Variants in CPNE5 observed in about 807,000 individuals in gnomAD.
The protein encoded by CPNE5 is copine 5.
Under a neutral mutation model 81.1 loss-of-function variants are expected in CPNE5, and 42 were observed. That is an observed-to-expected ratio of 0.52 (90% CI 0.40 to 0.67). CPNE5 has a LOEUF of 0.67. Ranked by LOEUF, CPNE5 falls within the 30% of genes least tolerant of loss-of-function variation. The pLI is 0.00. For missense variants in CPNE5, 612 were observed against 815.5 expected, an observed-to-expected ratio of 0.75 and a Z score of 3.04; for synonymous variants, 313 against 321.5, an observed-to-expected ratio of 0.97 and a Z score of 0.28.
At chr6:36,799,060 CCTCACCTGGGGCCTG>C (rs1262611691) in intron 4 of CPNE5, among the ~76,000 whole-genome samples, 1 of 152,134 alleles carries the variant, frequency 6.6e-6, no homozygotes, top group African/African-American at 2.4e-5. Context: ...GGCCTCCTCC[CCTCACCTGGGGCCTG>C]CTCACCGGGG....
intron 3 of CPNE5, among the ~76,000 whole-genome samples, chr6:36,809,669 A>G (rs960587569): frequency 3.3e-5 from 5 of 152,212 alleles, no homozygotes; most frequent in Admixed American, 1.3e-4. Context: ...GAGCTGGAAG[A>G]AACCAAATCC....
In CPNE5 at chr6:36,768,225, C is replaced by CTTTTTTTTTTTTTTTTTTT. The variant is rs10586762; in HGVS notation, c.738-2868_738-2850dup. Reference sequence around the variant, plus strand: ...GGCTTTGACTACTCTATTCACAGTTCTTTTTTTTTTTTTTTTTTTTTTTTT... The same window carrying CTTTTTTTTTTTTTTTTTTT: ...GGCTTTGACTACTCTATTCACAGTTCTTTTTTTTTTTTTTTTTTTTTTTTTTTTTTTTTTTTTTTTTTTT... On this transcript the variant is annotated intron_variant, in intron 10 of 20. Coordinates refer to ENST00000244751, the MANE Select transcript of CPNE5 (RefSeq NM_020939.2). 1.2e-3 allele frequency among the ~76,000 whole-genome samples: 70 copies of CTTTTTTTTTTTTTTTTTTT among 60,500 alleles called. 4 individuals carry two copies. The highest frequency in any genetic ancestry group is 1.7e-3 in the East Asian group (3 of 1,720). The allele number at this position is 60,500 out of a possible 152,430, so 39.7% of individuals were successfully genotyped here.
At chr6:36,798,997 GAGGCATTGAC>G (rs1430685222) in intron 4 of CPNE5, among the ~76,000 whole-genome samples, 1 of 152,090 alleles carries the variant, frequency 6.6e-6, no homozygotes, top group Non-Finnish European at 1.5e-5. Context: ...AAGAAGGAGG[GAGGCATTGAC>G]ACCTTCACCT....
intron 13 of CPNE5, chr6:36,755,262 A>C (rs1765296021): frequency 6.6e-6 from 1 of 152,234 alleles, no homozygotes; most frequent in African/African-American, 2.4e-5. Context: ...TGGCTGCACT[A>C]GCCATGGGCC....
chr6:36,768,225 C>CTTTTTTTCTTTTTCTTT (rs527797208), intron 10 of CPNE5, among the ~76,000 whole-genome samples: 1 of 60,514 alleles, frequency 1.7e-5, no homozygotes, highest in African/African-American at 6.4e-5. Context: ...ATTCACAGTT[C>CTTTTTTTCTTTTTCTTT]TTTTTTTTTT....
At chr6:36,808,253 G>A (rs1446892543) in intron 3 of CPNE5, among the ~76,000 whole-genome samples, 1 of 152,034 alleles carries the variant, frequency 6.6e-6, no homozygotes, top group African/African-American at 2.4e-5. Context: ...ACCACGCCTG[G>A]CTAAGTTTTG....
chr6:36,744,268 C>A lies in CPNE5; in HGVS notation c.1489G>T (p.Ala497Ser). ...IVGVGQAEFD[A>S]MVELDGDDVR... is the part of the protein sequence containing the mutation. ...AGGGGAAGGCAGCAGCTGGACTCAC[C>A]GTCGAACTCTGCCTGGCCCACGCCG... The change falls in exon 19 of 21, where the codon GCC (alanine) becomes TCC (serine). Residue 497 changes from alanine (A) to serine (S), a missense_variant and splice_region_variant. Coordinates refer to ENST00000244751, the MANE Select transcript of CPNE5 (RefSeq NM_020939.2). 6.3e-7 allele frequency: 1 copy of A among 1,577,080 alleles called. No individual in the cohort carries two copies. Among genetic ancestry groups the A allele is most frequent in the Non-Finnish European group, 8.6e-7 (1 of 1,161,748 alleles).
chr6:36,828,788 G>A (rs200162120), intron 1 of CPNE5, among the ~76,000 whole-genome samples: 11 of 152,238 alleles, frequency 7.2e-5, no homozygotes, highest in East Asian at 5.8e-4. Context: ...TCCAACCTTG[G>A]GGGTGAAAAG....
chr6:36,769,032 C>T (rs985419609), intron 10 of CPNE5, among the ~76,000 whole-genome samples: 13 of 152,232 alleles, frequency 8.5e-5, no homozygotes, highest in Non-Finnish European at 1.5e-5. Context: ...AACACTCCAT[C>T]CCTTTATCCA....
chr6:36,822,083 T>C (rs751410954), intron 3 of CPNE5, 31 bp downstream of exon 3: 2 of 1,512,776 alleles, frequency 1.3e-6, no homozygotes, highest in South Asian at 2.5e-5. Context: ...AACAGGCTGG[T>C]GTTTCTGGTG....
intron 6 of CPNE5, 89 bp from the exon 7 acceptor site, chr6:36,794,738 A>G: frequency 8.5e-7 from 1 of 1,175,590 alleles, no homozygotes; most frequent in Non-Finnish European, 1.3e-6. Flanking sequence ...AGATGCTTGG[A>G]GACAAGCGGC....
chr6:36,791,236 T>A (rs929583840), intron 8 of CPNE5, among the ~76,000 whole-genome samples: 2 of 152,184 alleles, frequency 1.3e-5, no homozygotes, highest in Non-Finnish European at 2.9e-5. Context: ...CAAGCTGACC[T>A]GGAGTAGAGT....
intron 8 of CPNE5, among the ~76,000 whole-genome samples, chr6:36,785,442 A>C (rs1768442855): frequency 6.6e-6 from 1 of 152,226 alleles, no homozygotes; most frequent in Non-Finnish European, 1.5e-5. Flanking sequence ...TTAAATGAAG[A>C]CATTTTATAA....
chr6:36,798,518 T>A (rs763547653), intron 4 of CPNE5, 24 bp from the exon 5 acceptor site: 1 of 1,612,502 alleles, frequency 6.2e-7, no homozygotes. Flanking sequence ...AGAGAAACGA[T>A]GAAGGCAGCT....
rs140809449 is a variant in CPNE5, at chr6:36,808,414, T to C, written c.184-8344A>G. Among the ~76,000 whole-genome samples, 1,172 of 152,174 alleles carry C rather than the reference T, an allele frequency of 7.7e-3. 19 individuals carry two copies. The highest frequency in any genetic ancestry group is 0.026 in the African/African-American group (1,090 of 41,506). On this transcript the variant is annotated intron_variant, in intron 3 of 20. Coordinates refer to ENST00000244751, the MANE Select transcript of CPNE5 (RefSeq NM_020939.2). ...TCAACCTGCTTCCAGATTTCTAAAA[T>C]CTGGGCCCCTTCTTCCTCCTCATCA...
intron 3 of CPNE5, among the ~76,000 whole-genome samples, chr6:36,801,954 C>G (rs1561801005): frequency 1.3e-5 from 2 of 152,178 alleles, no homozygotes; most frequent in African/African-American, 4.8e-5. Context: ...GGCGCGGTGG[C>G]TGACGCCTGT....
intron 14 of CPNE5, among the ~76,000 whole-genome samples, chr6:36,750,840 G>A (rs1323716653): frequency 2.0e-5 from 3 of 152,206 alleles, no homozygotes; most frequent in African/African-American, 7.2e-5. Flanking sequence ...GGGAAAGGCA[G>A]GCCTTGCTCT....
At chr6:36,743,167 T>C (rs1265731196) in intron 20 of CPNE5, 14 of 985,312 alleles carry the variant, frequency 1.4e-5, no homozygotes, top group Admixed American at 6.1e-5. Flanking sequence ...TAGGGCCTCC[T>C]CTGCAGGGGA....
intron 3 of CPNE5, among the ~76,000 whole-genome samples, chr6:36,820,044 C>T (rs1163770838): frequency 2.6e-5 from 4 of 152,242 alleles, no homozygotes; most frequent in Admixed American, 6.5e-5. Context: ...AACAACATTC[C>T]TCCCTCGACC....
Sources: allele counts gnomAD v4.1 joint callset (sites outside exome capture counted in the v4.1 genomes callset), GRCh38; gene constraint gnomAD v4.1.1; transcripts MANE v1.5; gene names NCBI Gene and HGNC (gene_info 2026-07-23, HGNC 2026-07-21).